Variants in PIK3CD observed in about 807,000 individuals in gnomAD.
The protein encoded by PIK3CD is phosphatidylinositol-4,5-bisphosphate 3-kinase catalytic subunit delta.
PIK3CD carries 20 observed loss-of-function variants against 122.9 expected under a neutral mutation model. That is an observed-to-expected ratio of 0.16 (90% confidence interval 0.11 to 0.24). The LOEUF is 0.24. Among genes scored for constraint, PIK3CD ranks in the 10% least tolerant of loss-of-function variants. PIK3CD has a pLI of 1.00. For missense variants in PIK3CD, 787 were observed against 1,406.3 expected (o/e 0.56, Z 7.04); for synonymous variants, 596 against 593.4 (o/e 1.00, Z -0.06).
rs1646127977 is a variant in PIK3CD at position 9,689,795 on chromosome 1, C to T, written c.-137-1672C>T. 1.3e-5 allele frequency among the ~76,000 whole-genome samples: 2 copies of T among 151,808 alleles called. No homozygotes were observed. Among genetic ancestry groups the T allele is most frequent in the South Asian group, 2.1e-4 (1 of 4,814 alleles). Reference sequence around the variant, plus strand: ...CCCAGCCCCGCCGGGCGTCCCACCCCGCCCAGCCCCGGGCTTTGTCCGCCT... The same window carrying T: ...CCCAGCCCCGCCGGGCGTCCCACCCTGCCCAGCCCCGGGCTTTGTCCGCCT... On this transcript the variant is annotated intron_variant, in intron 1 of 23. Transcript: ENST00000377346. This position sits in a 1 kb window ranked among gnomAD's most constrained non-coding sequence, Gnocchi z 6.1.
the PIK3CD span, among the ~76,000 whole-genome samples, chr1:9,638,777 A>ATTTT: frequency 2.6e-5 from 3 of 116,990 alleles, no homozygotes; most frequent in African/African-American, 6.4e-5. Flanking sequence ...CTTTTGCAAG[A>ATTTT]TTTTTTTTTT....
chr1:9,673,213 C>T (rs1255484152), intron 1 of PIK3CD, among the ~76,000 whole-genome samples: 7 of 149,916 alleles, frequency 4.7e-5, no homozygotes, highest in African/African-American at 1.5e-4. Flanking sequence ...ATCTTCCTGC[C>T]TCAGCCTCCT....
chr1:9,720,475 A>G lies in PIK3CD; in HGVS notation c.1471-136A>G, dbSNP rs1227009616. The stretch of plus-strand genomic sequence containing the variant: ...TCTTGGCATCTCGTGAGTGGAGGCC[A>G]GAGCTGCTGTGGATGCGCCTCCATG... On this transcript the variant is annotated intron_variant, in intron 11 of 23. Transcript: ENST00000377346. This position sits in a 1 kb window ranked among gnomAD's most constrained non-coding sequence, Gnocchi z 9.0. 2.0e-6 allele frequency: 3 copies of G among 1,489,036 alleles called. No individual in the cohort carries two copies. The highest frequency in any genetic ancestry group is 1.4e-5 in the African/African-American group (1 of 71,642). 92.2% of individuals were successfully genotyped at this position (1,489,036 alleles called of 1,614,324 possible).
Position 9,710,472 on chromosome 1 carries a change from A to C in PIK3CD, c.17A>C (p.Asp6Ala), listed in dbSNP as rs749032083. The change falls in exon 3 of 24, where the codon GAC (aspartate) becomes GCC (alanine). Residue 6 changes from aspartate (D) to alanine (A), a missense_variant. By Grantham distance (126) the Asp-to-Ala change is moderately radical. Transcript: ENST00000377346. This position sits in a 1 kb window ranked among gnomAD's most constrained non-coding sequence, Gnocchi z 4.7. ...CAACGCAGGATGCCCCCTGGGGTGG[A>C]CTGCCCCATGGAATTCTGGACCAAG... MPPGV[D>A]CPMEFWTKEE... The C allele has an allele frequency of 6.8e-5, 109 of 1,614,022 alleles. No homozygotes were observed. Among genetic ancestry groups the C allele is most frequent in the Non-Finnish European group, 9.1e-5 (107 of 1,180,010 alleles).
upstream of PIK3CD, among the ~76,000 whole-genome samples, chr1:9,649,473 T>A (rs1462390494): frequency 6.6e-6 from 1 of 152,138 alleles, no homozygotes; most frequent in Non-Finnish European, 1.5e-5. Flanking sequence ...CCTCAAGGGA[T>A]CCTCCAGCCT....
chr1:9,643,580 C>T, the PIK3CD span, among the ~76,000 whole-genome samples: 1 of 152,086 alleles, frequency 6.6e-6, no homozygotes, highest in African/African-American at 2.4e-5. Flanking sequence ...CCAAAGATGC[C>T]GTTCTAGAAT....
intron 1 of PIK3CD, among the ~76,000 whole-genome samples, chr1:9,684,822 G>A (rs1334013222): frequency 6.7e-6 from 1 of 148,218 alleles, no homozygotes; most frequent in Non-Finnish European, 1.5e-5. Flanking sequence ...CTCCAGCCTG[G>A]GTCACAGTGT....
At chr1:9,721,372 C>G in intron 14 of PIK3CD, 72 bp from the exon 15 acceptor site, 1 of 1,609,282 alleles carries the variant, frequency 6.2e-7, no homozygotes, top group Non-Finnish European at 8.5e-7. Flanking sequence ...TGGCCTCCCT[C>G]TGGCTGCCGA....
chr1:9,686,062 C>T (rs1485125603), intron 1 of PIK3CD, among the ~76,000 whole-genome samples: 2 of 152,138 alleles, frequency 1.3e-5, no homozygotes, highest in African/African-American at 4.8e-5. Flanking sequence ...GATGAAATCA[C>T]ACATCACAAA....
Position 9,728,369 on chromosome 1 carries a change from C to CAACT in PIK3CD, c.*1328_*1331dup, listed in dbSNP as rs774777065. Reference sequence around the variant, plus strand: ...AGGGCTTCTCCCAGCCTTCAGAAGCCAACTAACTCTGCAGATGGGGCTAGG... The same window carrying CAACT: ...AGGGCTTCTCCCAGCCTTCAGAAGCCAACTAACTAACTCTGCAGATGGGGCTAGG... On this transcript the variant is annotated 3_prime_UTR_variant, in exon 24 of 24. Transcript: ENST00000377346. 7.9e-5 allele frequency: 12 copies of CAACT among 152,310 alleles called. No individual in the cohort carries two copies. Among genetic ancestry groups the CAACT allele is most frequent in the Middle Eastern group, 3.4e-3 (1 of 294 alleles). The allele number at this position is 152,310 out of a possible 1,614,324, so 9.4% of individuals were successfully genotyped here.
rs768322463 is a variant in PIK3CD, at chr1:9,727,077, G to C, written c.*31G>C. ...CCTCCCAGCCCTGGGCCCAAGAGGA[G>C]GCGGCTGCGGGTCGTGGGGACCAAG... On this transcript the variant is annotated 3_prime_UTR_variant, in exon 24 of 24. Coordinates refer to ENST00000377346, the MANE Select transcript of PIK3CD (RefSeq NM_005026.5). 1.9e-6 allele frequency: 3 copies of C among 1,613,790 alleles called. No homozygotes were observed. Among genetic ancestry groups the C allele is most frequent in the East Asian group, 2.2e-5 (1 of 44,876 alleles).
intron 1 of PIK3CD, among the ~76,000 whole-genome samples, chr1:9,688,910 GC>G (rs1180405216): frequency 2.0e-5 from 3 of 152,092 alleles, no homozygotes; most frequent in Non-Finnish European, 4.4e-5. Context: ...CACGCACACC[GC>G]CCGTTGTAAT....
intron 1 of PIK3CD, among the ~76,000 whole-genome samples, chr1:9,671,128 C>T (rs921443808): frequency 4.6e-5 from 7 of 151,954 alleles, no homozygotes; most frequent in Non-Finnish European, 7.4e-5. Context: ...GAGATAAAGT[C>T]TCACTCCGTC....
chr1:9,724,141 C>A lies in PIK3CD; in HGVS notation c.2718+49C>A. The A allele has an allele frequency of 6.2e-7, 1 of 1,613,874 alleles. No individual in the cohort carries two copies. The highest frequency in any genetic ancestry group is 1.1e-5 in the South Asian group (1 of 91,070). On this transcript the variant is annotated intron_variant, in intron 21 of 23. Coordinates refer to ENST00000377346, the MANE Select transcript of PIK3CD (RefSeq NM_005026.5). This position sits in a 1 kb window ranked among gnomAD's most constrained non-coding sequence, Gnocchi z 7.3. ...TGCTGTGGGGACTTGGCTTCTGGCC[C>A]CAGCCTGCTGGCCCCTCTGCCTAGC...
chr1:9,712,220 TGAG>T (rs1250702068), intron 3 of PIK3CD, among the ~76,000 whole-genome samples: 1 of 152,218 alleles, frequency 6.6e-6, no homozygotes, highest in Non-Finnish European at 1.5e-5. Flanking sequence ...GCATGGGACT[TGAG>T]GGATCATGCC....
At position 9,717,261 on chromosome 1, in the gene PIK3CD, G is replaced by A. The variant is rs993128270; in HGVS notation, c.930+153G>A. Among the ~76,000 whole-genome samples the A allele has an allele frequency of 6.6e-6, 1 of 152,238 alleles. No homozygotes were observed. Among genetic ancestry groups the A allele is most frequent in the Non-Finnish European group, 1.5e-5 (1 of 68,040 alleles). On this transcript the variant is annotated intron_variant, in intron 7 of 23. Coordinates refer to ENST00000377346, the MANE Select transcript of PIK3CD (RefSeq NM_005026.5). The surrounding 1 kb of genome is among the most constrained non-coding windows in gnomAD (Gnocchi z 5.4). ...GCCAACACAGCTGACCAGCGTCCTG[G>A]GCTGGGGGCCTGTGGGACTGCCGTG... is the stretch of plus-strand genomic sequence containing the variant.
At chr1:9,676,266 G>T (rs1645533709) in intron 1 of PIK3CD, among the ~76,000 whole-genome samples, 1 of 152,050 alleles carries the variant, frequency 6.6e-6, no homozygotes, top group Admixed American at 6.6e-5. Flanking sequence ...GTAGATATGG[G>T]GTCTTGCTAA....
chr1:9,671,558 T>G (rs756812260), intron 1 of PIK3CD, among the ~76,000 whole-genome samples: 9 of 152,196 alleles, frequency 5.9e-5, no homozygotes, highest in Non-Finnish European at 1.3e-4. Context: ...TGTAGTAAGC[T>G]TTATTCATCC....
chr1:9,685,007 A>C (rs12047365), intron 1 of PIK3CD, among the ~76,000 whole-genome samples: 20,490 of 151,790 alleles, frequency 0.13, 1,709 homozygotes, highest in South Asian at 0.25. Context: ...CTAAGCTTGG[A>C]GAATTGAGGA....
Sources: allele counts gnomAD v4.1 joint callset (sites outside exome capture counted in the v4.1 genomes callset), GRCh38; gene constraint gnomAD v4.1.1; non-coding constraint Gnocchi (gnomAD v3.1); transcripts MANE v1.5; gene names NCBI Gene and HGNC (gene_info 2026-07-23, HGNC 2026-07-21).